Variants in POLR1C observed in about 807,000 individuals in gnomAD.
POLR1C encodes DNA-directed RNA polymerases I and III subunit RPAC1.
POLR1C carries 42 observed loss-of-function variants against 38.3 expected under a neutral mutation model. That is an observed-to-expected ratio of 1.10 (90% confidence interval 0.86 to 1.42). POLR1C has a LOEUF of 1.42. POLR1C is among the 40% of genes most tolerant of loss of function. The probability of loss-of-function intolerance (pLI) is 0.00; values close to 1 mark genes in which losing one functional copy is unlikely to be tolerated. For missense variants in POLR1C, 507 were observed against 450.5 expected, an observed-to-expected ratio of 1.13 and a Z score of -1.14; for synonymous variants, 163 against 163.9, an observed-to-expected ratio of 0.99 and a Z score of 0.04.
chr6:43,524,763 C>T (rs1793447412), downstream of POLR1C: 6 of 1,599,286 alleles, frequency 3.8e-6, no homozygotes, highest in Non-Finnish European at 5.1e-6. Flanking sequence ...AGGATAAGGC[C>T]CAAGAGACTA....
chr6:43,548,358 T>G (rs1254767586), intron 9 of POLR1C: 4 of 1,613,766 alleles, frequency 2.5e-6, no homozygotes, highest in Non-Finnish European at 3.4e-6. Context: ...TGGTTGCTAA[T>G]GAGAACCAGG....
At chr6:43,551,319 G>T in intron 10 of POLR1C, 1 of 1,613,192 alleles carries the variant, frequency 6.2e-7, no homozygotes, top group Non-Finnish European at 8.5e-7. Flanking sequence ...CCTGGGGCAG[G>T]AACTCTGGTC....
downstream of POLR1C, chr6:43,526,300 G>A (rs1467161613): frequency 1.7e-5 from 6 of 361,324 alleles, no homozygotes; most frequent in East Asian, 5.2e-5. Flanking sequence ...AGGTAAGAAA[G>A]GAATACATAA....
chr6:43,551,184 A>G, intron 10 of POLR1C: 2 of 1,151,352 alleles, frequency 1.7e-6, no homozygotes, highest in South Asian at 4.2e-5. Context: ...TGAGACTAGT[A>G]ATTTGAGTCC....
chr6:43,533,336 C>T (rs901955375), downstream of POLR1C: 2 of 152,476 alleles, frequency 1.3e-5, no homozygotes, highest in African/African-American at 2.4e-5. Context: ...ATGGCTGTAA[C>T]ACCCACCACA....
chr6:43,560,003 G>A (rs1762328009), intron 10 of POLR1C, among the ~76,000 whole-genome samples: 1 of 152,148 alleles, frequency 6.6e-6, no homozygotes. Flanking sequence ...ATTTTTAGTA[G>A]AGACGAGGTT....
chr6:43,519,260 T>C (rs1793011686), intron 2 of POLR1C, 73 bp from the exon 3 acceptor site: 2 of 896,870 alleles, frequency 2.2e-6, no homozygotes, highest in South Asian at 1.4e-5. Context: ...GAGGGAATTA[T>C]CTAAGGGGGA....
downstream of POLR1C, chr6:43,525,408 G>C: frequency 1.7e-6 from 1 of 589,796 alleles, no homozygotes; most frequent in South Asian, 2.2e-5. Flanking sequence ...GAATAGCTGG[G>C]ACTACAGGTG....
intron 9 of POLR1C, among the ~76,000 whole-genome samples, chr6:43,540,128 G>A (rs763960921): frequency 4.6e-5 from 7 of 151,924 alleles, no homozygotes; most frequent in Non-Finnish European, 8.8e-5. Flanking sequence ...GGTGGCGCAC[G>A]CCTGTAACCC....
intron 10 of POLR1C, among the ~76,000 whole-genome samples, chr6:43,557,927 C>T (rs1457105265): frequency 1.2e-4 from 18 of 151,712 alleles, no homozygotes; most frequent in Non-Finnish European, 1.5e-5. Context: ...GAAACCCCAT[C>T]TCTACCAAAA....
intron 8 of POLR1C, chr6:43,527,580 C>G: frequency 6.3e-7 from 1 of 1,585,526 alleles, no homozygotes; most frequent in Non-Finnish European, 8.7e-7. Flanking sequence ...GCTGAGCGAC[C>G]AGCTCTTCTT....
chr6:43,559,703 G>C (rs890115882), intron 10 of POLR1C, among the ~76,000 whole-genome samples: 1 of 152,194 alleles, frequency 6.6e-6, no homozygotes, highest in Non-Finnish European at 1.5e-5. Flanking sequence ...CTCTCATATG[G>C]AAGAGCAGTT....
At chr6:43,534,677 T>C (rs1211539933) in intron 9 of POLR1C, among the ~76,000 whole-genome samples, 1 of 152,068 alleles carries the variant, frequency 6.6e-6, no homozygotes, top group Admixed American at 6.6e-5. Context: ...TGTTTAAACC[T>C]CCATAGTTTG....
At chr6:43,558,602 A>G in intron 10 of POLR1C, 1 of 1,569,544 alleles carries the variant, frequency 6.4e-7, no homozygotes, top group South Asian at 1.2e-5. Flanking sequence ...CTGGAAAAAG[A>G]AAGGTAATTG....
chr6:43,559,296 C>CA (rs535637151), intron 10 of POLR1C, among the ~76,000 whole-genome samples: 29 of 149,908 alleles, frequency 1.9e-4, no homozygotes, highest in East Asian at 9.8e-4. Context: ...GACTCCGTCT[C>CA]AAAAAAAAAC....
At chr6:43,555,854 C>G in intron 10 of POLR1C, 1 of 1,613,848 alleles carries the variant, frequency 6.2e-7, no homozygotes, top group Non-Finnish European at 8.5e-7. Context: ...GAACCAGCAT[C>G]AAGAAAAGTT....
At position 43,547,851 on chromosome 6, in the gene POLR1C, T is replaced by C. The variant is rs367762557; in HGVS notation, c.*5-3117T>C. The C allele has an allele frequency of 1.3e-4, 82 of 632,036 alleles. No individual in the cohort carries two copies. In the East Asian group the frequency reaches 2.2e-3, roughly 17 times the overall value. The allele number at this position is 632,036 out of a possible 1,614,324, so 39.2% of individuals were successfully genotyped here. On this transcript the variant is annotated intron_variant, in intron 9 of 10. Transcript: ENST00000607635. ...GAGTATAATCATACTAATTGTCAGTTGTCATTTGAAGGTTTAAATTTCCCT... is the reference window on the plus strand; with the variant it reads ...GAGTATAATCATACTAATTGTCAGTCGTCATTTGAAGGTTTAAATTTCCCT...
Position 43,528,819 on chromosome 6 carries a change from A to C in POLR1C, c.923-430A>C, listed in dbSNP as rs765427694. The C allele has an allele frequency of 2.5e-6, 4 of 1,612,728 alleles. No individual in the cohort carries two copies. The highest frequency in any genetic ancestry group is 3.4e-6 in the Non-Finnish European group (4 of 1,179,072). ...ACTCTTTGCTTCCTGTTCCTGACTTATCTCTTACCATATGGAGGTAGGTGA... is the reference window on the plus strand; with the variant it reads ...ACTCTTTGCTTCCTGTTCCTGACTTCTCTCTTACCATATGGAGGTAGGTGA... On this transcript the variant is annotated intron_variant, in intron 8 of 8. Coordinates refer to the POLR1C transcript ENST00000304004.
At chr6:43,562,186 A>G (rs1762452283) in exon 11 of POLR1C, 1 of 1,381,328 alleles carries the variant, frequency 7.2e-7, no homozygotes, top group Admixed American at 2.1e-5. Flanking sequence ...TTGAAACATA[A>G]GTTTCTAAAT....
Sources: gnomAD v4.1 joint callset for allele counts (sites outside exome capture counted in the v4.1 genomes callset) on GRCh38, gnomAD v4.1.1 for gene constraint, MANE v1.5 for transcripts, NCBI Gene and HGNC (gene_info 2026-07-23, HGNC 2026-07-21) for gene names.